The following MAPK10 variants were observed in gnomAD, a reference collection of about 807,000 sequenced individuals.
The protein encoded by MAPK10 is mitogen-activated protein kinase 10, also known as JNK3 alpha protein kinase.
MAPK10 carries 25 observed loss-of-function variants against 59.3 expected under a neutral mutation model. The ratio of observed to expected loss-of-function variants is 0.42; its 90% CI spans 0.31 to 0.59. MAPK10 has a LOEUF of 0.59. Among genes scored for constraint, MAPK10 ranks in the 20% least tolerant of loss-of-function variants. The pLI is 0.15. For synonymous variants in MAPK10, 190 were observed against 200.5 expected (o/e 0.95, Z 0.44); for missense variants, 351 against 568.9 (o/e 0.62, Z 3.90).
At chr4:86,042,386 C>G (rs1015872415) in intron 11 of MAPK10, among the ~76,000 whole-genome samples, 1 of 152,058 alleles carries the variant, frequency 6.6e-6, no homozygotes, top group African/African-American at 2.4e-5. Context: ...GGGCTTAAAA[C>G]CTAGAAGCTG....
rs2048541107 is a variant in MAPK10, at chr4:86,073,686, C to G, written c.803-5731G>C. 2.7e-5 allele frequency among the ~76,000 whole-genome samples: 3 copies of G among 112,198 alleles called. 1 individual carries two copies. The Middle Eastern group carries it at 0.012, about 449-fold the overall frequency. The allele number at this position is 112,198 out of a possible 152,430, so 73.6% of individuals were successfully genotyped here. ...CATTCAGGAGCAGGTTGTTCAGTTT[C>G]CATGTAGTTGAGTGGTTTTGAGTGG... On this transcript the variant is annotated intron_variant, in intron 9 of 13. Transcript: ENST00000641462.
chr4:86,340,966 A>G (rs1222383122), intron 2 of MAPK10, among the ~76,000 whole-genome samples: 1 of 152,204 alleles, frequency 6.6e-6, no homozygotes, highest in Non-Finnish European at 1.5e-5. Flanking sequence ...ATTCTCTATT[A>G]GCAAATATGG....
In MAPK10 at chr4:86,107,106, CT is replaced by C. The variant is rs1190251275; in HGVS notation, c.366+116del. ...GTAGCATATTGGCAGGATAAACAATCTTAAGAGGCAGGAATTGCAAAGCAAA... is the reference window on the plus strand; with the variant it reads ...GTAGCATATTGGCAGGATAAACAATCTAAGAGGCAGGAATTGCAAAGCAAA... On this transcript the variant is annotated intron_variant, in intron 5 of 13. Transcript: ENST00000641462. 1.1e-5 allele frequency: 8 copies of C among 753,956 alleles called. No individual in the cohort carries two copies. The Admixed American group carries it at 2.1e-4, about 20-fold the overall frequency. 46.7% of individuals were successfully genotyped at this position (753,956 alleles called of 1,614,324 possible). A position where few individuals can be genotyped will look rare whatever the true frequency, so the allele number is the denominator to read the frequency against.
intron 1 of MAPK10, among the ~76,000 whole-genome samples, chr4:86,532,148 A>G (rs1277883331): frequency 4.0e-5 from 6 of 150,654 alleles, no homozygotes; most frequent in Middle Eastern, 7.1e-3. Flanking sequence ...TCCCATCAAA[A>G]TCCTTAATCT....
upstream of MAPK10, among the ~76,000 whole-genome samples, chr4:86,362,001 A>G (rs1737067228): frequency 6.6e-6 from 1 of 152,092 alleles, no homozygotes; most frequent in Non-Finnish European, 1.5e-5. Flanking sequence ...GTTAATAATA[A>G]TGTTGCCTAT....
At chr4:86,022,264 A>T (rs965007125) in intron 13 of MAPK10, among the ~76,000 whole-genome samples, 8 of 152,150 alleles carry the variant, frequency 5.3e-5, no homozygotes, top group African/African-American at 1.9e-4. Flanking sequence ...AACACTTATT[A>T]TCTGTCTTTT....
At chr4:86,299,011 G>A (rs2095420733) in intron 2 of MAPK10, among the ~76,000 whole-genome samples, 1 of 152,250 alleles carries the variant, frequency 6.6e-6, no homozygotes, top group Middle Eastern at 3.4e-3. Flanking sequence ...TATAAGAAAA[G>A]AAACCTGAAG....
chr4:86,491,587 A>T (rs1465613720), intron 1 of MAPK10, among the ~76,000 whole-genome samples: 2 of 152,192 alleles, frequency 1.3e-5, no homozygotes. Flanking sequence ...ACTTTGATAT[A>T]GGGATTATTT....
intron 2 of MAPK10, among the ~76,000 whole-genome samples, chr4:86,231,394 G>A (rs567115833): frequency 6.6e-6 from 1 of 152,206 alleles, no homozygotes; most frequent in African/African-American, 2.4e-5. Flanking sequence ...GGTGGCTCAT[G>A]CCTGTAATCC....
chr4:86,562,195 T>C (rs1376453030), intron 1 of MAPK10, among the ~76,000 whole-genome samples: 1 of 152,032 alleles, frequency 6.6e-6, no homozygotes, highest in Non-Finnish European at 1.5e-5. Flanking sequence ...AAGAAGATTG[T>C]TTGAGCCCAG....
At chr4:86,424,576 T>A (rs1358272873) in intron 1 of MAPK10, among the ~76,000 whole-genome samples, 1 of 151,956 alleles carries the variant, frequency 6.6e-6, no homozygotes, top group Admixed American at 6.6e-5. Flanking sequence ...TGTGAAGGAG[T>A]CATAGTTAGG....
At chr4:86,219,737 T>C (rs951462142) in intron 2 of MAPK10, 8 of 152,096 alleles carry the variant, frequency 5.3e-5, no homozygotes, top group African/African-American at 1.9e-4. Context: ...TTTAAAATAA[T>C]TCAGTCTTTT....
At chr4:86,049,057 A>G (rs888728220) in intron 11 of MAPK10, among the ~76,000 whole-genome samples, 29 of 152,100 alleles carry the variant, frequency 1.9e-4, no homozygotes, top group South Asian at 6.2e-4. Context: ...GCATTTGTGT[A>G]CCACATTTAC....
At chr4:86,331,126 T>C (rs1442990344) in intron 2 of MAPK10, among the ~76,000 whole-genome samples, 2 of 152,168 alleles carry the variant, frequency 1.3e-5, no homozygotes, top group Admixed American at 6.6e-5. Flanking sequence ...CCCATCTTTA[T>C]AAGGAAGCTG....
intron 1 of MAPK10, among the ~76,000 whole-genome samples, chr4:86,460,694 A>T (rs1564904195): frequency 6.6e-6 from 1 of 152,220 alleles, no homozygotes; most frequent in Non-Finnish European, 1.5e-5. Context: ...GCAGAAAACC[A>T]CTTAAGGCAT....
At chr4:86,507,615 GATATATAT>G (rs767683551) in intron 1 of MAPK10, among the ~76,000 whole-genome samples, 479 of 35,566 alleles carry the variant, frequency 0.013, 18 homozygotes, top group East Asian at 0.043. Flanking sequence ...ATAAACTGGA[GATATATAT>G]ATATATATAT....
At chr4:86,165,880 T>A (rs1263126724) in intron 3 of MAPK10, among the ~76,000 whole-genome samples, 21 of 152,088 alleles carry the variant, frequency 1.4e-4, no homozygotes, top group Admixed American at 1.4e-3. Context: ...GAGATGGTTA[T>A]TCTATGGAAT....
intron 1 of MAPK10, among the ~76,000 whole-genome samples, chr4:86,374,225 G>A (rs930696462): frequency 2.6e-5 from 4 of 152,102 alleles, no homozygotes; most frequent in Admixed American, 6.5e-5. Context: ...CATGGACACA[G>A]GGAGGAGAAT....
chr4:86,251,965 A>G (rs2093463032), intron 2 of MAPK10, among the ~76,000 whole-genome samples: 2 of 121,630 alleles, frequency 1.6e-5, no homozygotes, highest in Admixed American at 1.5e-4. Context: ...TTGGCTGCAT[A>G]AAAGTCTTCT....
Sources: gnomAD v4.1 joint callset for allele counts (sites outside exome capture counted in the v4.1 genomes callset) on GRCh38, gnomAD v4.1.1 for gene constraint, MANE v1.5 for transcripts, NCBI Gene and HGNC (gene_info 2026-07-23, HGNC 2026-07-21) for gene names.